Variants in ASNS observed in about 807,000 individuals in gnomAD.
ASNS encodes the protein asparagine synthetase (glutamine-hydrolyzing).
In ASNS, 37 loss-of-function variants were observed where a neutral mutation model predicts 62.6. The observed-to-expected ratio is 0.59, with a 90% CI of 0.45 to 0.78. The LOEUF (loss-of-function observed/expected upper bound fraction) is 0.78, where lower values mean the gene tolerates loss of function less well. Ranked by LOEUF, ASNS falls within the 30% of genes least tolerant of loss-of-function variation. The pLI is 0.00. For missense variants in ASNS, 520 were observed against 682.4 expected, an observed-to-expected ratio of 0.76 and a Z score of 2.65; for synonymous variants, 207 against 237.9, an observed-to-expected ratio of 0.87 and a Z score of 1.19.
chr7:97,894,837 T>C, the ASNS span, among the ~76,000 whole-genome samples: 67 of 152,262 alleles, frequency 4.4e-4, 1 homozygote, highest in Admixed American at 7.2e-4. Flanking sequence ...TTCCCAAAAA[T>C]TGAAGAGGAA....
At chr7:97,925,870 G>T in the ASNS span, among the ~76,000 whole-genome samples, 1 of 152,186 alleles carries the variant, frequency 6.6e-6, no homozygotes, top group African/African-American at 2.4e-5. Flanking sequence ...ACCTAGGAGA[G>T]ACTTGTCTCC....
chr7:97,875,172 GTC>G (rs1330748822), upstream of ASNS, among the ~76,000 whole-genome samples: 1 of 152,166 alleles, frequency 6.6e-6, no homozygotes, highest in East Asian at 1.9e-4. Context: ...TTGAGACAGG[GTC>G]TCACTCTGTC....
the ASNS span, among the ~76,000 whole-genome samples, chr7:97,924,902 C>T: frequency 3.9e-5 from 6 of 152,164 alleles, no homozygotes; most frequent in African/African-American, 7.2e-5. Context: ...CTTGGGAGGC[C>T]GAGGCAGGCG....
At chr7:97,914,125 T>C in the ASNS span, among the ~76,000 whole-genome samples, 1 of 138,846 alleles carries the variant, frequency 7.2e-6, no homozygotes, top group African/African-American at 2.8e-5. Context: ...GGTGGATAGA[T>C]GGGTAGGTGG....
chr7:97,865,595 A>G (rs780041670), intron 3 of ASNS, among the ~76,000 whole-genome samples: 19 of 152,212 alleles, frequency 1.2e-4, no homozygotes, highest in Non-Finnish European at 2.6e-4. Flanking sequence ...CATGTCATCT[A>G]TACCTTTATA....
chr7:97,857,926 C>T (rs1791534241), intron 7 of ASNS, among the ~76,000 whole-genome samples: 1 of 152,096 alleles, frequency 6.6e-6, no homozygotes. Flanking sequence ...GTTGCTCAGG[C>T]TGGTTTCAAA....
rs775400533 is a variant in ASNS at position 97,858,332 on chromosome 7, G to A, written c.849C>T (p.Leu283=). Residue 283 remains leucine, a synonymous_variant, in exon 7 of 13, where the codon CTC becomes CTT. Coordinates refer to ENST00000394308, the MANE Select transcript of ASNS (RefSeq NM_001673.5). The part of the protein sequence containing the change: ...QLKEAQVQYP[L]QTFAIGMEDS... The stretch of plus-strand genomic sequence containing the variant: ...CTTCCATGCCAATTGCAAATGTCTG[G>A]AGAGGATACTGTACTTGGGCTTCTT... 6.2e-7 allele frequency: 1 copy of A among 1,614,048 alleles called. No homozygotes were observed. The highest frequency in any genetic ancestry group is 1.7e-5 in the Admixed American group (1 of 60,014).
chr7:97,885,212 G>A, the ASNS span, among the ~76,000 whole-genome samples: 3 of 152,330 alleles, frequency 2.0e-5, no homozygotes, highest in South Asian at 2.1e-4. Flanking sequence ...GTTGTAGCAC[G>A]TGTTAGTACT....
the ASNS span, among the ~76,000 whole-genome samples, chr7:97,889,928 A>AAAAAAAAAAAAAAAAAAAAAAAAC: frequency 8.1e-5 from 1 of 12,278 alleles, no homozygotes; most frequent in African/African-American, 1.9e-4. Context: ...TAATGAATAC[A>AAAAAAAAAAAAAAAAAAAAAAAAC]AAAAAAAAAA....
chr7:97,894,476 T>C, the ASNS span, among the ~76,000 whole-genome samples: 2 of 32,546 alleles, frequency 6.1e-5, no homozygotes, highest in South Asian at 2.3e-3. Flanking sequence ...CTAGTGAGGC[T>C]AACCAAAAAA....
the ASNS span, among the ~76,000 whole-genome samples, chr7:97,911,815 C>T: frequency 1.3e-5 from 2 of 151,886 alleles, no homozygotes; most frequent in East Asian, 3.9e-4. Flanking sequence ...ACTCTCCCAG[C>T]TCAGTCGACC....
At chr7:97,908,758 T>G in the ASNS span, 1 of 152,252 alleles carries the variant, frequency 6.6e-6, no homozygotes, top group Admixed American at 6.5e-5. Flanking sequence ...TCATTCTTTT[T>G]GAATCTACTT....
the ASNS span, among the ~76,000 whole-genome samples, chr7:97,891,374 G>T: frequency 3.4e-5 from 5 of 148,942 alleles, no homozygotes; most frequent in Admixed American, 6.7e-5. Context: ...CAACCAAACT[G>T]TATCATTCTG....
At chr7:97,875,818 A>G (rs983909306), upstream of ASNS, among the ~76,000 whole-genome samples, 11 of 151,900 alleles carry the variant, frequency 7.2e-5, no homozygotes, top group African/African-American at 9.7e-5. Flanking sequence ...TAGTCCATCA[A>G]CCTTCACAGA....
the ASNS span, among the ~76,000 whole-genome samples, chr7:97,909,886 G>C: frequency 2.0e-5 from 3 of 152,200 alleles, no homozygotes; most frequent in South Asian, 6.2e-4. Flanking sequence ...TTTTTAAAAT[G>C]ATTTTTGTCT....
chr7:97,860,423 G>C (rs966378960), intron 4 of ASNS, among the ~76,000 whole-genome samples: 1 of 152,216 alleles, frequency 6.6e-6, no homozygotes, highest in Admixed American at 6.5e-5. Flanking sequence ...AGGCCCAGGG[G>C]AGCAGGAGGC....
Position 97,869,075 on chromosome 7 carries a change from C to T in ASNS, c.82G>A (p.Gly28Ser). Reference protein sequence around the residue: ...CLSAMKIAHRGPDAFRFENVN... With the variant: ...CLSAMKIAHRSPDAFRFENVN... ...TTCTCAAAACGGAATGCATCTGGAC[C>T]TCTGTGTGCAATCTTCATAGCACTC... is the stretch of plus-strand genomic sequence containing the variant. The change falls in exon 3 of 13, where the codon GGT becomes AGT. Residue 28 changes from glycine (G) to serine (S), a missense_variant. Physicochemically the swap from Gly to Ser is moderately conservative, Grantham distance 56. Coordinates refer to ENST00000394308, the MANE Select transcript of ASNS (RefSeq NM_001673.5). The T allele has an allele frequency of 2.5e-6, 4 of 1,614,178 alleles. No homozygotes were observed. The highest frequency in any genetic ancestry group is 3.4e-6 in the Non-Finnish European group (4 of 1,180,036).
rs1584464329 is a variant in ASNS at position 97,859,049 on chromosome 7, TG to T, written c.674-95del. 9 of 1,389,954 alleles carry T rather than the reference TG, an allele frequency of 6.5e-6. No homozygotes were observed. In the East Asian group the frequency reaches 2.1e-4, roughly 32 times the overall value. 86.1% of individuals were successfully genotyped at this position (1,389,954 alleles called of 1,614,324 possible). A position where few individuals can be genotyped will look rare whatever the true frequency, so the allele number is the denominator to read the frequency against. On this transcript the variant is annotated intron_variant, in intron 5 of 12. Coordinates refer to ENST00000394308, the MANE Select transcript of ASNS (RefSeq NM_001673.5). The stretch of plus-strand genomic sequence containing the variant: ...ACACAATCATCAACATCTATCATGA[TG>T]GTATTTACTCAATGGTGGAGTGTGC...
At chr7:97,917,392 C>G in the ASNS span, among the ~76,000 whole-genome samples, 1 of 152,212 alleles carries the variant, frequency 6.6e-6, no homozygotes, top group Admixed American at 6.5e-5. Flanking sequence ...GAGTCAAGGG[C>G]TGTGATGAGG....
Sources: gnomAD v4.1 joint callset for allele counts (sites outside exome capture counted in the v4.1 genomes callset) on GRCh38, gnomAD v4.1.1 for gene constraint, MANE v1.5 for transcripts, NCBI Gene and HGNC (gene_info 2026-07-23, HGNC 2026-07-21) for gene names.